The following ZBTB41 variants were observed in gnomAD, a reference collection of about 807,000 sequenced individuals.
ZBTB41 encodes the protein zinc finger and BTB domain-containing protein 41.
A neutral mutation model predicts 87.6 loss-of-function variants in ZBTB41; 42 were observed. The ratio of observed to expected loss-of-function variants is 0.48; its 90% confidence interval spans 0.37 to 0.62. The LOEUF (loss-of-function observed/expected upper bound fraction) is 0.62, where lower values mean the gene tolerates loss of function less well. Among genes scored for constraint, ZBTB41 ranks in the 20% least tolerant of loss-of-function variants. ZBTB41 has a pLI of 0.00. For missense variants in ZBTB41, 799 were observed against 1,078.9 expected, an observed-to-expected ratio of 0.74 and a Z score of 3.63; for synonymous variants, 364 against 364.0, an observed-to-expected ratio of 1.00 and a Z score of 0.00.
chr1:197,193,215 G>A (rs1275342957), intron 2 of ZBTB41, among the ~76,000 whole-genome samples: 1 of 151,862 alleles, frequency 6.6e-6, no homozygotes. Flanking sequence ...AAGTAAATAC[G>A]TTAACAAATA....
chr1:197,168,277 A>C (rs1659397188), intron 10 of ZBTB41, among the ~76,000 whole-genome samples: 1 of 152,156 alleles, frequency 6.6e-6, no homozygotes, highest in African/African-American at 2.4e-5. Context: ...GTGTTCACAG[A>C]CTGGATAATA....
In ZBTB41 at chr1:197,156,451, C is replaced by G. The variant is rs1314095327; in HGVS notation, c.*2908G>C. The G allele has an allele frequency of 6.6e-6, 1 of 152,002 alleles. No homozygotes were observed. The highest frequency in any genetic ancestry group is 1.5e-5 in the Non-Finnish European group (1 of 67,720). 9.4% of individuals were successfully genotyped at this position (152,002 alleles called of 1,614,324 possible). A position where few individuals can be genotyped will look rare whatever the true frequency, so the allele number is the denominator to read the frequency against. Reference sequence around the variant, plus strand: ...AATTTAAAACAATAAATTATGCTCACAAAATAAAAAAATTCTGAATGAGGC... The same window carrying G: ...AATTTAAAACAATAAATTATGCTCAGAAAATAAAAAAATTCTGAATGAGGC... On this transcript the variant is annotated 3_prime_UTR_variant, in exon 11 of 11. Transcript: ENST00000367405.
rs1659010986 is a variant in ZBTB41, at chr1:197,154,250, T to C, written c.*5109A>G. Reference sequence around the variant, plus strand: ...ACATCCTCTTCATTCAATACATCTTTTAGAATCTCCAACAGCAATGCAAGC... The same window carrying C: ...ACATCCTCTTCATTCAATACATCTTCTAGAATCTCCAACAGCAATGCAAGC... On this transcript the variant is annotated 3_prime_UTR_variant, in exon 11 of 11. Coordinates refer to ENST00000367405, the MANE Select transcript of ZBTB41 (RefSeq NM_194314.3). 6.6e-6 allele frequency: 1 copy of C among 152,544 alleles called. No homozygotes were observed. The highest frequency in any genetic ancestry group is 1.5e-5 in the Non-Finnish European group (1 of 67,962). 9.4% of individuals were successfully genotyped at this position (152,544 alleles called of 1,614,324 possible).
chr1:197,191,013 T>C (rs907906032), intron 3 of ZBTB41, among the ~76,000 whole-genome samples, 182 bp from the exon 4 acceptor site: 5 of 152,150 alleles, frequency 3.3e-5, no homozygotes, highest in African/African-American at 1.2e-4. Flanking sequence ...TTCAGGAACC[T>C]AGCTCTTTAT....
At chr1:197,193,452 CATT>C (rs1297331782) in intron 2 of ZBTB41, among the ~76,000 whole-genome samples, 2 of 151,992 alleles carry the variant, frequency 1.3e-5, no homozygotes, top group African/African-American at 2.4e-5. Context: ...TAACTGTCAT[CATT>C]ATTATCATAC....
At chr1:197,180,349 G>C (rs185617529) in intron 6 of ZBTB41, among the ~76,000 whole-genome samples, 1 of 152,210 alleles carries the variant, frequency 6.6e-6, no homozygotes, top group East Asian at 1.9e-4. Flanking sequence ...TGACAAAACT[G>C]CTTAACAATG....
At chr1:197,170,834 T>C (rs1030341785) in intron 10 of ZBTB41, among the ~76,000 whole-genome samples, 8 of 152,178 alleles carry the variant, frequency 5.3e-5, no homozygotes, top group Admixed American at 1.3e-4. Flanking sequence ...ACATTTACTA[T>C]CTAGCCCTCA....
At chr1:197,173,505 A>C (rs893328105) in intron 9 of ZBTB41, among the ~76,000 whole-genome samples, 3 of 152,064 alleles carry the variant, frequency 2.0e-5, no homozygotes, top group Non-Finnish European at 4.4e-5. Flanking sequence ...CCTGGGCTCA[A>C]GCTATCCTTC....
rs1659058793 is a variant in ZBTB41, at chr1:197,156,030, T to C, written c.*3329A>G. 6.6e-6 allele frequency: 1 copy of C among 152,310 alleles called. No individual in the cohort carries two copies. The highest frequency in any genetic ancestry group is 2.1e-4 in the South Asian group (1 of 4,830). 9.4% of individuals were successfully genotyped at this position (152,310 alleles called of 1,614,324 possible). ...TAGTGTAGTGTAAAAAATAGGCTTA[T>C]TTAGCATTTAGTAGTGTTCTCTAAA... On this transcript the variant is annotated 3_prime_UTR_variant, in exon 11 of 11. Transcript: ENST00000367405.
chr1:197,188,022 C>T (rs1465288710), intron 5 of ZBTB41, among the ~76,000 whole-genome samples: 1 of 152,044 alleles, frequency 6.6e-6, no homozygotes, highest in African/African-American at 2.4e-5. Flanking sequence ...AGTCTTTGGG[C>T]GATTATGATG....
intron 5 of ZBTB41, 102 bp from the exon 6 acceptor site, chr1:197,181,219 A>G: frequency 6.9e-6 from 7 of 1,009,508 alleles, no homozygotes; most frequent in South Asian, 1.8e-5. Flanking sequence ...CTATTGGTGC[A>G]TATGTCATAA....
Position 197,159,739 on chromosome 1 carries a change from A to G in ZBTB41, c.2350T>C (p.Tyr784His), listed in dbSNP as rs763140309. ...TGATAAACTTTGGGCTGGTCCATATATTGTTTTGTTTCTGTTTGAAAGATT... is the reference window on the plus strand; with the variant it reads ...TGATAAACTTTGGGCTGGTCCATATGTTGTTTTGTTTCTGTTTGAAAGATT... ...DKIFQTETKQ[Y>H]MDQPKVYQSE... is the part of the protein sequence containing the mutation. The change falls in exon 11 of 11, where the codon TAT becomes CAT. Residue 784 changes from tyrosine (Y) to histidine (H), a missense_variant. By Grantham distance (83) the Tyr-to-His change is moderately conservative (BLOSUM62 2). Transcript: ENST00000367405. The G allele has an allele frequency of 6.2e-7, 1 of 1,613,948 alleles. No homozygotes were observed. Among genetic ancestry groups the G allele is most frequent in the Non-Finnish European group, 8.5e-7 (1 of 1,179,930 alleles).
In ZBTB41 at chr1:197,159,414, C is replaced by G; in HGVS notation, c.2675G>C (p.Gly892Ala). The G allele has an allele frequency of 1.9e-6, 3 of 1,613,834 alleles. No homozygotes were observed. Among genetic ancestry groups the G allele is most frequent in the African/African-American group, 1.3e-5 (1 of 75,020 alleles). Residue 892 changes from glycine to alanine, a missense_variant, in exon 11 of 11, where the codon GGC (glycine) becomes GCC (alanine). By Grantham distance (60) the Gly-to-Ala change is moderately conservative. Around this residue, in one of 5 missense-constraint regions of ZBTB41, gnomAD observed 171 missense variants for 191.9 expected, o/e 0.89. Coordinates refer to ENST00000367405, the MANE Select transcript of ZBTB41 (RefSeq NM_194314.3). Reference sequence around the variant, plus strand: ...TTGAACACCAGTAGTGCTATCAAGGCCCAGTAATGTTCCAAGATAAGATTG... The same window carrying G: ...TTGAACACCAGTAGTGCTATCAAGGGCCAGTAATGTTCCAAGATAAGATTG... Reference protein sequence around the residue: ...REQSYLGTLLGLDSTTGVQNI... With the variant: ...REQSYLGTLLALDSTTGVQNI...
chr1:197,191,935 C>T, intron 2 of ZBTB41, 36 bp from the exon 3 acceptor site: 2 of 1,495,162 alleles, frequency 1.3e-6, no homozygotes, highest in Non-Finnish European at 1.8e-6. Flanking sequence ...AAATTTAGTA[C>T]ATTTGCTATA....
In ZBTB41 at chr1:197,158,663, T is replaced by C. The variant is rs1246982253; in HGVS notation, c.*696A>G. On this transcript the variant is annotated 3_prime_UTR_variant, in exon 11 of 11. Coordinates refer to ENST00000367405, the MANE Select transcript of ZBTB41 (RefSeq NM_194314.3). ...TTTAATGCCCAGACCTATGTTTGCC[T>C]TTCTTATTCATAACAATTGAAGTAT... 1 of 152,116 alleles carries C rather than the reference T, an allele frequency of 6.6e-6. No homozygotes were observed. Among genetic ancestry groups the C allele is most frequent in the Admixed American group, 6.6e-5 (1 of 15,244 alleles). 9.4% of individuals were successfully genotyped at this position (152,116 alleles called of 1,614,324 possible). A position where few individuals can be genotyped will look rare whatever the true frequency, so the allele number is the denominator to read the frequency against.
intron 2 of ZBTB41, among the ~76,000 whole-genome samples, chr1:197,196,734 C>A (rs1046845818): frequency 1.3e-5 from 2 of 152,188 alleles, no homozygotes; most frequent in African/African-American, 4.8e-5. Context: ...TGCCCACCTT[C>A]ATCTCCTGTT....
At chr1:197,171,007 G>A (rs1659464122) in intron 10 of ZBTB41, among the ~76,000 whole-genome samples, 1 of 152,054 alleles carries the variant, frequency 6.6e-6, no homozygotes, top group African/African-American at 2.4e-5. Flanking sequence ...AGATATTGAT[G>A]TTCCACATTG....
intron 10 of ZBTB41, among the ~76,000 whole-genome samples, chr1:197,167,789 A>G (rs1463848047): frequency 6.6e-6 from 1 of 152,204 alleles, no homozygotes; most frequent in Non-Finnish European, 1.5e-5. Flanking sequence ...TATCATACTT[A>G]ATTGTGAATT....
At chr1:197,160,372 T>C (rs1021564869) in intron 10 of ZBTB41, among the ~76,000 whole-genome samples, 5 of 152,262 alleles carry the variant, frequency 3.3e-5, no homozygotes, top group Non-Finnish European at 7.4e-5. Context: ...CTGCACCTAG[T>C]ACATAATAAG....
Sources: allele counts gnomAD v4.1 joint callset (sites outside exome capture counted in the v4.1 genomes callset), GRCh38; gene constraint gnomAD v4.1.1; regional missense constraint gnomAD v4.1.1; transcripts MANE v1.5; gene names NCBI Gene and HGNC (gene_info 2026-07-23, HGNC 2026-07-21).